Variants in CCDC83 observed in about 807,000 individuals in gnomAD.
The protein encoded by CCDC83 is coiled-coil domain-containing protein 83.
Under a neutral mutation model 50.1 loss-of-function variants are expected in CCDC83, and 54 were observed. That is an observed-to-expected ratio of 1.08 (90% confidence interval 0.87 to 1.35). CCDC83 has a LOEUF of 1.35. Ranked by LOEUF, CCDC83 falls within the 40% of genes most tolerant of loss-of-function variation. CCDC83 has a pLI of 0.00. For missense variants in CCDC83, 518 were observed against 473.9 expected (o/e 1.09, Z -0.86); for synonymous variants, 161 against 153.3 (o/e 1.05, Z -0.37).
rs1323355265 is a variant in CCDC83, at chr11:85,917,161, A to G, written c.1080+928A>G. On this transcript the variant is annotated intron_variant, in intron 10 of 10. Transcript: ENST00000342404. ...GAGAGAGAGAGAGAGAGAGAGAGAG[A>G]GAGAGAGAAAGAAAGAAAGAAAGAA... Among the ~76,000 whole-genome samples, 225 of 104,100 alleles carry G rather than the reference A, an allele frequency of 2.2e-3. 6 individuals are homozygous for G. The highest frequency in any genetic ancestry group is 7.7e-3 in the African/African-American group (205 of 26,458). 68.3% of individuals were successfully genotyped at this position (104,100 alleles called of 152,430 possible).
chr11:85,911,204 GA>G (rs897169680), intron 7 of CCDC83, 76 bp from the exon 8 acceptor site: 9 of 1,015,554 alleles, frequency 8.9e-6, no homozygotes, highest in African/African-American at 3.4e-5. Flanking sequence ...AAAGAAAAAA[GA>G]AAAAAATAAA....
chr11:85,909,210 T>C (rs1327912523), intron 7 of CCDC83, among the ~76,000 whole-genome samples: 1 of 152,204 alleles, frequency 6.6e-6, no homozygotes, highest in African/African-American at 2.4e-5. Flanking sequence ...TGCTTTAAGA[T>C]TCCTAAATAC....
chr11:85,914,230 C>T (rs1768836118), intron 8 of CCDC83, among the ~76,000 whole-genome samples: 1 of 152,134 alleles, frequency 6.6e-6, no homozygotes, highest in South Asian at 2.1e-4. Context: ...ACTCACAGCC[C>T]CTAATTTAGG....
rs548957398 is a variant in CCDC83 at position 85,915,606 on chromosome 11, A to G, written c.874+108A>G. 458 of 717,516 alleles carry G rather than the reference A, an allele frequency of 6.4e-4. 1 individual carries two copies. The highest frequency in any genetic ancestry group is 9.9e-4 in the Non-Finnish European group (427 of 432,000). 44.4% of individuals were successfully genotyped at this position (717,516 alleles called of 1,614,324 possible). A position where few individuals can be genotyped will look rare whatever the true frequency, so the allele number is the denominator to read the frequency against. ...GGTGCCCCACATACAAAAGCTATTC[A>G]GAGAATAGACACCTGCCAGCTTCTC... On this transcript the variant is annotated intron_variant, in intron 9 of 10. Coordinates refer to ENST00000342404, the MANE Select transcript of CCDC83 (RefSeq NM_001286159.2).
At chr11:85,882,083 G>A (rs2093303388) in intron 3 of CCDC83, among the ~76,000 whole-genome samples, 2 of 151,792 alleles carry the variant, frequency 1.3e-5, no homozygotes, top group African/African-American at 4.8e-5. Context: ...AGAGGTCAAG[G>A]GAGTTTCAGA....
intron 5 of CCDC83, among the ~76,000 whole-genome samples, chr11:85,887,038 G>C (rs1381838967): frequency 1.3e-5 from 2 of 152,116 alleles, no homozygotes; most frequent in Non-Finnish European, 2.9e-5. Context: ...ATTCACCTGG[G>C]GCAAGCTAAG....
chr11:85,895,475 T>A, intron 6 of CCDC83, 91 bp downstream of exon 6: 1 of 720,178 alleles, frequency 1.4e-6, no homozygotes, highest in Non-Finnish European at 2.3e-6. Context: ...GAACTTTGGA[T>A]AGATTCTCAG....
chr11:85,890,716 G>A (rs1394317662), intron 5 of CCDC83, among the ~76,000 whole-genome samples: 3 of 152,186 alleles, frequency 2.0e-5, no homozygotes, highest in African/African-American at 4.8e-5. Flanking sequence ...CTTCCCTTCA[G>A]CACTGAGAGA....
chr11:85,890,996 G>C (rs11828815), intron 5 of CCDC83, among the ~76,000 whole-genome samples: 9,689 of 152,120 alleles, frequency 0.064, 666 homozygotes, highest in African/African-American at 0.18. Flanking sequence ...TGCTTGTTGG[G>C]TGTAACACAA....
chr11:85,874,763 T>C (rs2135008739), intron 3 of CCDC83, among the ~76,000 whole-genome samples: 1 of 152,346 alleles, frequency 6.6e-6, no homozygotes, highest in South Asian at 2.1e-4. Context: ...TTGCCAGGTC[T>C]AATAGACTCT....
In CCDC83 at chr11:85,919,522, G is replaced by A. The variant is rs1358757720; in HGVS notation, c.*12G>A. On this transcript the variant is annotated 3_prime_UTR_variant, in exon 11 of 11. Coordinates refer to ENST00000342404, the MANE Select transcript of CCDC83 (RefSeq NM_001286159.2). ...AGTCTTTTCTCTAAGACGGAAAGCT[G>A]CAAAGGAAACACAACTTTTCCTTAT... The A allele has an allele frequency of 2.5e-6, 4 of 1,592,710 alleles. No individual in the cohort carries two copies. Among genetic ancestry groups the A allele is most frequent in the Non-Finnish European group, 3.4e-6 (4 of 1,169,086 alleles).
rs141273523 is a variant in CCDC83 at position 85,890,144 on chromosome 11, T to C, written c.511+3777T>C. Among the ~76,000 whole-genome samples the C allele has an allele frequency of 4.3e-3, 660 of 152,286 alleles. 7 individuals carry two copies. Among genetic ancestry groups the C allele is most frequent in the African/African-American group, 0.015 (627 of 41,560 alleles). On this transcript the variant is annotated intron_variant, in intron 5 of 10. Coordinates refer to ENST00000342404, the MANE Select transcript of CCDC83 (RefSeq NM_001286159.2). ...CAGAGAGATTTCTCAGATGGTTCAGTATGTGTCCCCTGCAGTCTGGGCATT... is the reference window on the plus strand; with the variant it reads ...CAGAGAGATTTCTCAGATGGTTCAGCATGTGTCCCCTGCAGTCTGGGCATT...
chr11:85,867,389 T>C (rs985589037), intron 2 of CCDC83, among the ~76,000 whole-genome samples: 1 of 152,170 alleles, frequency 6.6e-6, no homozygotes, highest in African/African-American at 2.4e-5. Context: ...AAATGTACCA[T>C]AAAAGATGTA....
At chr11:85,877,925 T>C (rs2093277733) in intron 3 of CCDC83, among the ~76,000 whole-genome samples, 1 of 152,172 alleles carries the variant, frequency 6.6e-6, no homozygotes. Flanking sequence ...TTGCTATTAT[T>C]CAAGTTTCTA....
Position 85,916,183 on chromosome 11 carries a change from G to C in CCDC83, c.1030G>C (p.Gly344Arg), listed in dbSNP as rs2093476546. 1 of 1,612,906 alleles carries C rather than the reference G, an allele frequency of 6.2e-7. No individual in the cohort carries two copies. The highest frequency in any genetic ancestry group is 1.3e-5 in the African/African-American group (1 of 74,868). ...DKEENSGTEF[G>R]DTDMKYLLYE... ...AGAGGAAAACTCAGGCACAGAGTTTGGGGACACTGATATGAAGTACTTACT... is the reference window on the plus strand; with the variant it reads ...AGAGGAAAACTCAGGCACAGAGTTTCGGGACACTGATATGAAGTACTTACT... The change falls in exon 10 of 11, where the codon GGG (glycine) becomes CGG (arginine). Residue 344 changes from glycine to arginine, a missense_variant. Transcript: ENST00000342404.
At chr11:85,887,490 G>C (rs527337633) in intron 5 of CCDC83, among the ~76,000 whole-genome samples, 1 of 152,226 alleles carries the variant, frequency 6.6e-6, no homozygotes, top group South Asian at 2.1e-4. Context: ...GCACCACAGT[G>C]GTGGTGTAAA....
chr11:85,864,072 A>G (rs1054504139), intron 1 of CCDC83, among the ~76,000 whole-genome samples: 1 of 152,212 alleles, frequency 6.6e-6, no homozygotes, highest in Non-Finnish European at 1.5e-5. Context: ...GATAACAGTG[A>G]TGGATCTAGG....
chr11:85,914,552 TC>T (rs2093468810), intron 8 of CCDC83, among the ~76,000 whole-genome samples: 1 of 152,168 alleles, frequency 6.6e-6, no homozygotes, highest in African/African-American at 2.4e-5. Context: ...CTTTCTCTCT[TC>T]ATCTCAAAAC....
chr11:85,886,058 G>A (rs1195149758), intron 4 of CCDC83, 142 bp from the exon 5 acceptor site: 1 of 585,660 alleles, frequency 1.7e-6, no homozygotes, highest in African/African-American at 1.9e-5. Flanking sequence ...GAATAGTTTA[G>A]AATTTCCTAA....
Sources: gnomAD v4.1 joint callset for allele counts (sites outside exome capture counted in the v4.1 genomes callset) on GRCh38, gnomAD v4.1.1 for gene constraint, MANE v1.5 for transcripts, NCBI Gene and HGNC (gene_info 2026-07-23, HGNC 2026-07-21) for gene names.